NEK11: variants seen among roughly 807,000 people sequenced by gnomAD.
The protein encoded by NEK11 is NIMA related kinase 11, also known as serine/threonine-protein kinase Nek11.
A neutral mutation model predicts 80.7 loss-of-function variants in NEK11; 72 were observed. The ratio of observed to expected loss-of-function variants is 0.89; its 90% confidence interval spans 0.74 to 1.08. NEK11 has a LOEUF of 1.08. Ranked by LOEUF, NEK11 falls within the 50% of genes least tolerant of loss-of-function variation. The probability of loss-of-function intolerance (pLI) is 0.00; values close to 1 mark genes in which losing one functional copy is unlikely to be tolerated. For synonymous variants in NEK11, 251 were observed against 260.7 expected, an observed-to-expected ratio of 0.96 and a Z score of 0.36; for missense variants, 764 against 763.6, an observed-to-expected ratio of 1.00 and a Z score of -0.01.
At chr3:131,309,853 G>C (rs1281781808) in intron 17 of NEK11, among the ~76,000 whole-genome samples, 1 of 151,508 alleles carries the variant, frequency 6.6e-6, no homozygotes, top group East Asian at 1.9e-4. Flanking sequence ...ATCAAGCTTG[G>C]TGGCACATGC....
At chr3:131,047,897 T>C (rs1354950729) in intron 3 of NEK11, among the ~76,000 whole-genome samples, 2 of 152,100 alleles carry the variant, frequency 1.3e-5, no homozygotes, top group Admixed American at 6.5e-5. Context: ...GACCATTAGG[T>C]TGGGGCAAGG....
At chr3:131,282,874 G>T (rs1225238679) in intron 17 of NEK11, among the ~76,000 whole-genome samples, 1 of 152,170 alleles carries the variant, frequency 6.6e-6, no homozygotes, top group Non-Finnish European at 1.5e-5. Context: ...GTAACATGAA[G>T]TTTATAATCG....
At chr3:131,192,517 C>CA (rs1379927703) in intron 14 of NEK11, among the ~76,000 whole-genome samples, 4 of 152,016 alleles carry the variant, frequency 2.6e-5, no homozygotes, top group Non-Finnish European at 5.9e-5. Context: ...TCACCATAGC[C>CA]AAAAGGTGAA....
At chr3:131,242,829 A>T (rs144574157) in intron 15 of NEK11, among the ~76,000 whole-genome samples, 1 of 152,228 alleles carries the variant, frequency 6.6e-6, no homozygotes, top group Non-Finnish European at 1.5e-5. Context: ...GTGGAGGACA[A>T]ATTTATTTTG....
intron 15 of NEK11, among the ~76,000 whole-genome samples, chr3:131,233,149 A>G (rs1204411964): frequency 6.6e-6 from 1 of 151,706 alleles, no homozygotes; most frequent in South Asian, 2.1e-4. Flanking sequence ...AGAGGGAGCA[A>G]TTGGATGGGA....
intron 4 of NEK11, among the ~76,000 whole-genome samples, chr3:131,093,880 C>T (rs1250035577): frequency 6.6e-6 from 1 of 151,462 alleles, no homozygotes; most frequent in South Asian, 2.1e-4. Context: ...ATCACATTAT[C>T]TTGCCATATA....
At chr3:131,108,692 A>G (rs2079576038) in intron 4 of NEK11, among the ~76,000 whole-genome samples, 1 of 152,126 alleles carries the variant, frequency 6.6e-6, no homozygotes, top group Non-Finnish European at 1.5e-5. Flanking sequence ...TGGCCTTAAT[A>G]ATAAGTATTA....
chr3:131,174,847 G>C, intron 14 of NEK11: 1 of 1,584,968 alleles, frequency 6.3e-7, no homozygotes, highest in Non-Finnish European at 8.6e-7. Context: ...TCTACAAGGA[G>C]CATGACTCCC....
chr3:131,207,443 C>T (rs927760974), intron 14 of NEK11, among the ~76,000 whole-genome samples: 6 of 152,172 alleles, frequency 3.9e-5, no homozygotes, highest in South Asian at 2.1e-4. Context: ...ATTAGCTGGG[C>T]GCGGTGGCAG....
chr3:131,338,378 A>G (rs2097229047), intron 17 of NEK11, among the ~76,000 whole-genome samples: 2 of 151,250 alleles, frequency 1.3e-5, no homozygotes, highest in South Asian at 4.2e-4. Context: ...GCTTTGGAAA[A>G]CAGTTGAGTG....
At chr3:131,302,335 G>A (rs2096670654) in intron 17 of NEK11, among the ~76,000 whole-genome samples, 1 of 151,934 alleles carries the variant, frequency 6.6e-6, no homozygotes, top group Admixed American at 6.6e-5. Context: ...TCTTTTGGAG[G>A]TTTTTCACAT....
intron 15 of NEK11, among the ~76,000 whole-genome samples, chr3:131,243,163 T>G (rs2095544029): frequency 1.3e-5 from 2 of 152,136 alleles, no homozygotes; most frequent in Admixed American, 6.5e-5. Context: ...ACAATAAAGA[T>G]CACTCATAAT....
At chr3:131,167,982 A>G (rs1387490756) in intron 12 of NEK11, among the ~76,000 whole-genome samples, 2 of 152,216 alleles carry the variant, frequency 1.3e-5, no homozygotes, top group Non-Finnish European at 2.9e-5. Context: ...GGGGGCAGAA[A>G]TGCTCCAGGC....
At chr3:131,161,939 T>TA in intron 10 of NEK11, among the ~76,000 whole-genome samples, 1 of 152,238 alleles carries the variant, frequency 6.6e-6, no homozygotes, top group Non-Finnish European at 1.5e-5. Flanking sequence ...ATATGATACT[T>TA]ACTGTAGCCC....
chr3:131,209,057 A>T (rs1237552316), intron 14 of NEK11, among the ~76,000 whole-genome samples: 1 of 152,146 alleles, frequency 6.6e-6, no homozygotes. Context: ...TTCAAAGGGA[A>T]TGCTTTCAGT....
chr3:131,309,105 G>A (rs181228453), intron 17 of NEK11, among the ~76,000 whole-genome samples: 9 of 152,292 alleles, frequency 5.9e-5, no homozygotes, highest in African/African-American at 1.2e-4. Context: ...GTACTGGCCC[G>A]CGGCCTAAGG....
At chr3:131,149,132 C>G (rs1205662580) in intron 7 of NEK11, among the ~76,000 whole-genome samples, 2 of 151,878 alleles carry the variant, frequency 1.3e-5, no homozygotes, top group Non-Finnish European at 2.9e-5. Flanking sequence ...TTGAGTTCCT[C>G]AACCTCCTCC....
chr3:131,115,946 CTTT>C (rs774202193), intron 5 of NEK11, among the ~76,000 whole-genome samples: 1 of 128,224 alleles, frequency 7.8e-6, no homozygotes, highest in Middle Eastern at 4.0e-3. Context: ...TTCTTTCTTT[CTTT>C]CTTTCTTTCT....
intron 4 of NEK11, among the ~76,000 whole-genome samples, chr3:131,093,665 C>A (rs946353931): frequency 6.6e-6 from 1 of 152,084 alleles, no homozygotes; most frequent in Non-Finnish European, 1.5e-5. Flanking sequence ...CTCTGCCTTC[C>A]AAAGTGCTGG....
Sources: allele counts gnomAD v4.1 joint callset (sites outside exome capture counted in the v4.1 genomes callset), GRCh38; gene constraint gnomAD v4.1.1; transcripts MANE v1.5; gene names NCBI Gene and HGNC (gene_info 2026-07-23, HGNC 2026-07-21).